Variants in ECSIT observed in about 807,000 individuals in gnomAD.
The protein encoded by ECSIT is ECSIT signaling integrator.
A neutral mutation model predicts 36.8 loss-of-function variants in ECSIT; 29 were observed. The ratio of observed to expected loss-of-function variants is 0.79; its 90% CI spans 0.59 to 1.08. ECSIT has a LOEUF of 1.08. Ranked by LOEUF, ECSIT falls within the 50% of genes least tolerant of loss-of-function variation. The pLI, the probability that ECSIT is intolerant of heterozygous loss-of-function variation, is 0.00. For missense variants in ECSIT, 542 were observed against 581.0 expected (o/e 0.93, Z 0.69); for synonymous variants, 231 against 234.8 (o/e 0.98, Z 0.15).
At chr19:11,522,539 G>T in intron 1 of ECSIT, 1 of 739,950 alleles carries the variant, frequency 1.4e-6, no homozygotes. Context: ...GTAAACTCAG[G>T]AACGCCCCGG....
intron 1 of ECSIT, among the ~76,000 whole-genome samples, chr19:11,524,691 G>A (rs1051977163): frequency 2.6e-5 from 4 of 151,776 alleles, no homozygotes; most frequent in Admixed American, 1.3e-4. Flanking sequence ...TGGGTGTGGT[G>A]GCACTCATTT....
chr19:11,528,035 G>A (rs1345761137), intron 1 of ECSIT, among the ~76,000 whole-genome samples: 1 of 152,086 alleles, frequency 6.6e-6, no homozygotes, highest in Admixed American at 6.6e-5. Flanking sequence ...ATCAGATAGG[G>A]TCTACCCCTC....
rs1225002747 is a variant in ECSIT, at chr19:11,519,348, C to CTT, written c.-23-157_-23-156dup. 2.0e-5 allele frequency among the ~76,000 whole-genome samples: 3 copies of CTT among 152,196 alleles called. No homozygotes were observed. The highest frequency in any genetic ancestry group is 4.4e-5 in the Non-Finnish European group (3 of 68,026). On this transcript the variant is annotated intron_variant, in intron 1 of 7. Coordinates refer to ENST00000270517, the MANE Select transcript of ECSIT (RefSeq NM_016581.5). This position sits in a 1 kb window ranked among gnomAD's most constrained non-coding sequence, Gnocchi z 4.4. The stretch of plus-strand genomic sequence containing the variant: ...AAGAAACAGGCTGATGACTCAAAGA[C>CTT]TTTGTTCTTGGGACAGCACCCTAAT...
intron 2 of ECSIT, among the ~76,000 whole-genome samples, chr19:11,515,601 C>T (rs916622082): frequency 4.6e-5 from 7 of 152,232 alleles, no homozygotes; most frequent in African/African-American, 7.2e-5. Context: ...GGATTACAGG[C>T]GCCTGCCACC....
In ECSIT at chr19:11,514,231, G is replaced by A. The variant is rs769109521; in HGVS notation, c.97-10C>T. The A allele has an allele frequency of 2.5e-6, 4 of 1,591,848 alleles. 1 individual carries two copies. The South Asian group carries it at 4.5e-5, about 18-fold the overall frequency. On this transcript the variant is annotated splice_polypyrimidine_tract_variant and intron_variant, in intron 2 of 7. Transcript: ENST00000270517. ...GGAGCCGGCGAGGGACCTGGGGAGGGAGGAGAACTGCTGGAATCTGGCACC... is the reference window on the plus strand; with the variant it reads ...GGAGCCGGCGAGGGACCTGGGGAGGAAGGAGAACTGCTGGAATCTGGCACC...
At chr19:11,508,656 G>A (rs1331325720) in intron 4 of ECSIT, among the ~76,000 whole-genome samples, 1 of 152,038 alleles carries the variant, frequency 6.6e-6, no homozygotes, top group African/African-American at 2.4e-5. Flanking sequence ...GGGTTCAAGC[G>A]ATTCTCCTGC....
chr19:11,506,947 G>C (rs1971756880), intron 7 of ECSIT, among the ~76,000 whole-genome samples: 2 of 152,172 alleles, frequency 1.3e-5, no homozygotes, highest in Non-Finnish European at 2.9e-5. Flanking sequence ...TATTCTGCCA[G>C]GAAGGCCTCC....
At chr19:11,520,264 C>T (rs142971624) in intron 1 of ECSIT, among the ~76,000 whole-genome samples, 3 of 152,244 alleles carry the variant, frequency 2.0e-5, no homozygotes, top group Non-Finnish European at 2.9e-5. Flanking sequence ...CTTCGCCTCC[C>T]GGATTCAAGC....
rs763223676 is a variant in ECSIT, at chr19:11,513,019, T to G, written c.738+37A>C. 1.9e-6 allele frequency: 3 copies of G among 1,601,480 alleles called. No homozygotes were observed. In the Admixed American group the frequency reaches 5.0e-5, roughly 27 times the overall value. On this transcript the variant is annotated intron_variant, in intron 4 of 7. Transcript: ENST00000270517. ...GGGGAGGAATGGCGGGAGCCTGGCCTGGGGTGGCAGCTGACGCTGTAGACA... is the reference window on the plus strand; with the variant it reads ...GGGGAGGAATGGCGGGAGCCTGGCCGGGGGTGGCAGCTGACGCTGTAGACA...
intron 2 of ECSIT, among the ~76,000 whole-genome samples, chr19:11,516,684 T>C (rs1972005177): frequency 6.7e-6 from 1 of 148,246 alleles, no homozygotes; most frequent in African/African-American, 2.5e-5. Flanking sequence ...TGTGTTTATC[T>C]ACACACACAC....
chr19:11,506,694 C>T (rs1407927106), intron 7 of ECSIT, among the ~76,000 whole-genome samples: 1 of 152,098 alleles, frequency 6.6e-6, no homozygotes, highest in Admixed American at 6.6e-5. Flanking sequence ...AGCACCACGC[C>T]GGGCTAATTT....
chr19:11,520,489 G>C (rs1315822118), intron 1 of ECSIT, among the ~76,000 whole-genome samples: 2 of 151,472 alleles, frequency 1.3e-5, no homozygotes, highest in African/African-American at 4.8e-5. Context: ...GTGTTTTCAA[G>C]GTTCATGCAT....
At chr19:11,522,702 G>T (rs1381607176) in intron 1 of ECSIT, among the ~76,000 whole-genome samples, 1 of 148,574 alleles carries the variant, frequency 6.7e-6, no homozygotes. Context: ...GACCGAGTGA[G>T]ACTCTGTCTC....
Position 11,526,804 on chromosome 19 carries a change from C to T in ECSIT, c.-24+2258G>A, listed in dbSNP as rs769170074. ...GCGCATCTCGGCTCACTGCAACCTCCGCCTCCCCAGTTCAAGTTGGTTCTC... is the reference window on the plus strand; with the variant it reads ...GCGCATCTCGGCTCACTGCAACCTCTGCCTCCCCAGTTCAAGTTGGTTCTC... On this transcript the variant is annotated intron_variant, in intron 1 of 7. Coordinates refer to ENST00000270517, the MANE Select transcript of ECSIT (RefSeq NM_016581.5). 5.9e-5 allele frequency among the ~76,000 whole-genome samples: 9 copies of T among 151,284 alleles called. No homozygotes were observed. In the East Asian group the frequency reaches 1.2e-3, roughly 20 times the overall value.
chr19:11,515,495 C>T (rs1166726274), intron 2 of ECSIT, among the ~76,000 whole-genome samples: 6 of 151,966 alleles, frequency 3.9e-5, no homozygotes, highest in Non-Finnish European at 7.4e-5. Flanking sequence ...TTTCACTCGT[C>T]GCCCAGGCTG....
chr19:11,524,980 T>C (rs751905930), intron 1 of ECSIT, among the ~76,000 whole-genome samples: 4 of 151,096 alleles, frequency 2.6e-5, no homozygotes, highest in Non-Finnish European at 4.4e-5. Context: ...CTACTAAAAA[T>C]ACAAAAATTA....
intron 4 of ECSIT, among the ~76,000 whole-genome samples, chr19:11,509,874 C>CTT (rs796995330): frequency 2.1e-5 from 3 of 145,128 alleles, no homozygotes; most frequent in African/African-American, 7.5e-5. Context: ...ACTAAAGAAA[C>CTT]TTTTTTTTTT....
chr19:11,522,109 G>T, intron 1 of ECSIT: 1 of 371,572 alleles, frequency 2.7e-6, no homozygotes, highest in Admixed American at 3.7e-5. Context: ...CTGGTACTTT[G>T]TATCTCAGCT....
chr19:11,512,520 C>G (rs755080859), intron 4 of ECSIT, among the ~76,000 whole-genome samples: 1 of 152,106 alleles, frequency 6.6e-6, no homozygotes, highest in African/African-American at 2.4e-5. Flanking sequence ...TGTTGTTCAT[C>G]AATGACCCAA....
Sources: allele counts gnomAD v4.1 joint callset (sites outside exome capture counted in the v4.1 genomes callset), GRCh38; gene constraint gnomAD v4.1.1; non-coding constraint Gnocchi (gnomAD v3.1); transcripts MANE v1.5; gene names NCBI Gene and HGNC (gene_info 2026-07-23, HGNC 2026-07-21).